Variants in JARID2 observed in about 807,000 individuals in gnomAD.
The protein encoded by JARID2 is jumonji and AT-rich interaction domain containing 2, also known as protein Jumonji.
In JARID2, 21 loss-of-function variants were observed where a neutral mutation model predicts 125.6. That is an observed-to-expected ratio of 0.17 (90% CI 0.12 to 0.24). The LOEUF is 0.24. JARID2 is among the 10% of genes least tolerant of loss of function. The pLI is 1.00. For synonymous variants in JARID2, 736 were observed against 661.6 expected (o/e 1.11, Z -1.73); for missense variants, 1,303 against 1,639.6 (o/e 0.79, Z 3.55).
At chr6:15,311,232 T>G (rs1228886609) in intron 1 of JARID2, among the ~76,000 whole-genome samples, 1 of 152,146 alleles carries the variant, frequency 6.6e-6, no homozygotes, top group African/African-American at 2.4e-5. Context: ...TCACACCACC[T>G]TGTACCAGTC....
intron 7 of JARID2, among the ~76,000 whole-genome samples, chr6:15,497,576 A>G (rs57344135): frequency 0.14 from 21,575 of 149,330 alleles, 1,668 homozygotes; most frequent in African/African-American, 0.16. Flanking sequence ...GCGTGAACCC[A>G]GGAGGCGGAG....
chr6:15,508,220 C>T (rs926270529), intron 11 of JARID2, 120 bp from the exon 12 acceptor site: 2 of 649,236 alleles, frequency 3.1e-6, no homozygotes, highest in African/African-American at 3.6e-5. Context: ...TTTTGTCTGG[C>T]TTTGAGTCCC....
intron 1 of JARID2, among the ~76,000 whole-genome samples, chr6:15,357,205 A>G (rs562640094): frequency 7.2e-5 from 11 of 152,214 alleles, no homozygotes; most frequent in Non-Finnish European, 1.2e-4. Flanking sequence ...TTCATTGAGT[A>G]TGTAAAGTCT....
In JARID2 at chr6:15,520,901, T is replaced by C. The variant is rs1298295440; in HGVS notation, c.*650T>C. 2.2e-6 allele frequency: 1 copy of C among 450,404 alleles called. No individual in the cohort carries two copies. Among genetic ancestry groups the C allele is most frequent in the Non-Finnish European group, 4.5e-6 (1 of 222,998 alleles). 27.9% of individuals were successfully genotyped at this position (450,404 alleles called of 1,614,324 possible). A position where few individuals can be genotyped will look rare whatever the true frequency, so the allele number is the denominator to read the frequency against. On this transcript the variant is annotated 3_prime_UTR_variant, in exon 18 of 18. Transcript: ENST00000341776. ...CTCTCCACCAGCACATCACTATGCATCTGTTCCAGGAAAGAAGAAAAGCGA... is the reference window on the plus strand; with the variant it reads ...CTCTCCACCAGCACATCACTATGCACCTGTTCCAGGAAAGAAGAAAAGCGA...
chr6:15,396,910 AC>A, intron 2 of JARID2, among the ~76,000 whole-genome samples: 1 of 152,264 alleles, frequency 6.6e-6, no homozygotes, highest in African/African-American at 2.4e-5. Context: ...AGTCCGGGTC[AC>A]CCTACTATGT....
chr6:15,283,149 T>TC (rs1236636764), intron 1 of JARID2, among the ~76,000 whole-genome samples: 310 of 147,018 alleles, frequency 2.1e-3, no homozygotes, highest in Non-Finnish European at 3.1e-3. Flanking sequence ...CGGCTAATTT[T>TC]TTGTATTTTT....
intron 1 of JARID2, among the ~76,000 whole-genome samples, chr6:15,359,596 A>G (rs996920903): frequency 6.6e-6 from 1 of 152,128 alleles, no homozygotes; most frequent in Non-Finnish European, 1.5e-5. Flanking sequence ...AAGTATAAAT[A>G]AGGCTATCTG....
At chr6:15,401,662 A>C (rs1272386826) in intron 2 of JARID2, among the ~76,000 whole-genome samples, 3 of 152,104 alleles carry the variant, frequency 2.0e-5, no homozygotes, top group Non-Finnish European at 4.4e-5. Flanking sequence ...TTAAACTTCG[A>C]GTGCTCTTGA....
Position 15,507,327 on chromosome 6 carries a change from C to A in JARID2, c.2661-19C>A. 6.2e-7 allele frequency: 1 copy of A among 1,612,458 alleles called. No homozygotes were observed. The highest frequency in any genetic ancestry group is 8.5e-7 in the Non-Finnish European group (1 of 1,178,580). On this transcript the variant is annotated intron_variant, in intron 10 of 17. Transcript: ENST00000341776. ...CTTTCCCCGCCAGTTTGTAACGTCC[C>A]TCGTCTTCCCCTTTGCAGGCATGGA...
intron 3 of JARID2, among the ~76,000 whole-genome samples, chr6:15,444,258 T>C (rs150170668): frequency 1.7e-4 from 26 of 152,334 alleles, no homozygotes; most frequent in Non-Finnish European, 2.8e-4. Flanking sequence ...CTGTGGGAAC[T>C]GGGTGGACCT....
chr6:15,396,408 T>C (rs1765220304), intron 2 of JARID2, among the ~76,000 whole-genome samples: 1 of 152,226 alleles, frequency 6.6e-6, no homozygotes, highest in South Asian at 2.1e-4. Context: ...TTCTTAATCA[T>C]AGCTATGTGT....
intron 3 of JARID2, among the ~76,000 whole-genome samples, chr6:15,424,004 C>T (rs1043853119): frequency 1.3e-5 from 2 of 152,170 alleles, no homozygotes; most frequent in Admixed American, 6.5e-5. Context: ...TTCATCCCCT[C>T]GTTGGTCTGC....
At chr6:15,447,128 G>A (rs1243820617) in intron 3 of JARID2, among the ~76,000 whole-genome samples, 1 of 152,152 alleles carries the variant, frequency 6.6e-6, no homozygotes, top group Non-Finnish European at 1.5e-5. Context: ...CCCCAGTGAT[G>A]ATCTGATCTG....
chr6:15,453,767 T>C (rs1768027377), intron 4 of JARID2, among the ~76,000 whole-genome samples: 1 of 152,212 alleles, frequency 6.6e-6, no homozygotes, highest in Non-Finnish European at 1.5e-5. Flanking sequence ...TTTATTCCAT[T>C]TGACATGTCC....
intron 1 of JARID2, among the ~76,000 whole-genome samples, chr6:15,331,048 A>C (rs1762690380): frequency 6.6e-6 from 1 of 152,170 alleles, no homozygotes; most frequent in South Asian, 2.1e-4. Context: ...TCATTTAATA[A>C]AGCAAAAAGG....
chr6:15,301,766 A>G (rs1030200119), intron 1 of JARID2, among the ~76,000 whole-genome samples: 1 of 152,246 alleles, frequency 6.6e-6, no homozygotes, highest in African/African-American at 2.4e-5. Flanking sequence ...TCAAATCAGT[A>G]AATGGGGCTG....
Position 15,512,188 on chromosome 6 carries a change from G to C in JARID2, c.2953-20G>C. 1 of 1,609,592 alleles carries C rather than the reference G, an allele frequency of 6.2e-7. No individual in the cohort carries two copies. Among genetic ancestry groups the C allele is most frequent in the Non-Finnish European group, 8.5e-7 (1 of 1,177,052 alleles). On this transcript the variant is annotated intron_variant, in intron 13 of 17. Coordinates refer to ENST00000341776, the MANE Select transcript of JARID2 (RefSeq NM_004973.4). ...CCTGCGCACAGGGAGGGGTGCCTCA[G>C]CCTGGCCCTGTCTCCCCAGATCTCC...
At chr6:15,516,719 T>C (rs1771580695) in intron 16 of JARID2, among the ~76,000 whole-genome samples, 1 of 152,196 alleles carries the variant, frequency 6.6e-6, no homozygotes. Context: ...GCCGCCTAAG[T>C]TGGAGTCCTC....
intron 3 of JARID2, among the ~76,000 whole-genome samples, chr6:15,415,229 T>G (rs1385362903): frequency 6.6e-6 from 1 of 152,218 alleles, no homozygotes; most frequent in Non-Finnish European, 1.5e-5. Context: ...TACACAGACA[T>G]GGCAACCATC....
Sources: gnomAD v4.1 joint callset for allele counts (sites outside exome capture counted in the v4.1 genomes callset) on GRCh38, gnomAD v4.1.1 for gene constraint, MANE v1.5 for transcripts, NCBI Gene and HGNC (gene_info 2026-07-23, HGNC 2026-07-21) for gene names.